The following HOMER1 variants were observed in gnomAD, a reference collection of about 807,000 sequenced individuals.
HOMER1 encodes the protein homer scaffold protein 1.
In HOMER1, 3 loss-of-function variants were observed where a neutral mutation model predicts 48.9. The ratio of observed to expected loss-of-function variants is 0.06; its 90% CI spans 0.03 to 0.16. The LOEUF (loss-of-function observed/expected upper bound fraction) is 0.16, where lower values mean the gene tolerates loss of function less well. HOMER1 is among the 10% of genes least tolerant of loss of function. The pLI is 1.00. For missense variants in HOMER1, 247 were observed against 411.4 expected, an observed-to-expected ratio of 0.60 and a Z score of 3.46; for synonymous variants, 134 against 146.4, an observed-to-expected ratio of 0.92 and a Z score of 0.61.
intron 5 of HOMER1, among the ~76,000 whole-genome samples, chr5:79,427,687 CTTCCTTCCT>C (rs1483512622): frequency 6.1e-5 from 5 of 81,798 alleles, no homozygotes; most frequent in Admixed American, 1.4e-4. Context: ...CCTTCCTTCC[CTTCCTTCCT>C]TTCCTTCCTT....
At chr5:79,502,678 A>C (rs1752628114) in intron 1 of HOMER1, among the ~76,000 whole-genome samples, 1 of 152,248 alleles carries the variant, frequency 6.6e-6, no homozygotes, top group South Asian at 2.1e-4. Flanking sequence ...CCACATGAAT[A>C]GCCTATAATG....
chr5:79,502,393 T>TTTAA (rs1752621209), intron 1 of HOMER1, among the ~76,000 whole-genome samples: 1 of 152,088 alleles, frequency 6.6e-6, no homozygotes, highest in Non-Finnish European at 1.5e-5. Context: ...AAGTTCTCTT[T>TTTAA]TTAATACCCT....
At chr5:79,441,434 A>T (rs1026896447) in intron 4 of HOMER1, among the ~76,000 whole-genome samples, 11 of 152,170 alleles carry the variant, frequency 7.2e-5, no homozygotes, top group Non-Finnish European at 1.3e-4. Context: ...TAATGCTACT[A>T]AAGTAGAAAG....
rs138808644 is a variant in HOMER1, at chr5:79,446,002, T to A, written c.387+1051A>T. Among the ~76,000 whole-genome samples the A allele has an allele frequency of 2.8e-3, 420 of 152,366 alleles. 1 individual carries two copies. The highest frequency in any genetic ancestry group is 9.5e-3 in the African/African-American group (394 of 41,596). ...CGCACGTGCATGTATTTTAACTTTA[T>A]GTATATTATGACATTCTGACATCTT... On this transcript the variant is annotated intron_variant, in intron 4 of 8. Coordinates refer to ENST00000334082, the MANE Select transcript of HOMER1 (RefSeq NM_004272.5).
intron 8 of HOMER1, among the ~76,000 whole-genome samples, chr5:79,391,571 C>T (rs1316929310): frequency 2.0e-5 from 3 of 151,728 alleles, no homozygotes; most frequent in Admixed American, 6.6e-5. Context: ...GGTGAAACTC[C>T]GTCTCTGCTA....
intron 1 of HOMER1, among the ~76,000 whole-genome samples, chr5:79,468,398 CTT>C (rs1221040665): frequency 1.3e-5 from 2 of 152,074 alleles, no homozygotes; most frequent in South Asian, 2.1e-4. Context: ...ATTTCAAAGA[CTT>C]AGTATTTTTT....
intron 4 of HOMER1, 137 bp from the exon 5 acceptor site, chr5:79,439,286 A>T (rs1426745149): frequency 6.5e-6 from 5 of 763,574 alleles, no homozygotes; most frequent in African/African-American, 1.8e-5. Context: ...TCAAAGACTT[A>T]AAAACATAAA....
At chr5:79,480,381 G>A (rs2112340412) in intron 1 of HOMER1, among the ~76,000 whole-genome samples, 1 of 152,268 alleles carries the variant, frequency 6.6e-6, no homozygotes, top group South Asian at 2.1e-4. Context: ...TGTTGGAGGA[G>A]GGGGCAGTTT....
intron 8 of HOMER1, among the ~76,000 whole-genome samples, chr5:79,378,881 A>T (rs1748847145): frequency 6.6e-6 from 1 of 150,778 alleles, no homozygotes; most frequent in Non-Finnish European, 1.5e-5. Context: ...TGAATCCCCT[A>T]CTCTAAGCAC....
At chr5:79,487,889 ATTTAC>A (rs1484160467) in intron 1 of HOMER1, among the ~76,000 whole-genome samples, 2 of 152,190 alleles carry the variant, frequency 1.3e-5, no homozygotes, top group African/African-American at 4.8e-5. Flanking sequence ...GATACCTGGA[ATTTAC>A]TTTAAAATAA....
At chr5:79,435,556 T>C (rs559911042) in intron 5 of HOMER1, among the ~76,000 whole-genome samples, 35 of 152,368 alleles carry the variant, frequency 2.3e-4, no homozygotes, top group Admixed American at 2.3e-3. Flanking sequence ...ATAGTCTAAA[T>C]AAGCATTAAA....
At chr5:79,481,582 C>G (rs149779631) in intron 1 of HOMER1, among the ~76,000 whole-genome samples, 175 of 152,314 alleles carry the variant, frequency 1.1e-3, no homozygotes, top group Middle Eastern at 6.8e-3. Flanking sequence ...CACTTGAAAT[C>G]TATAGAGGAT....
chr5:79,387,075 A>C (rs73120317), intron 8 of HOMER1, among the ~76,000 whole-genome samples: 29,079 of 113,252 alleles, frequency 0.26, 3,831 homozygotes, highest in East Asian at 0.47. Flanking sequence ...TTCTTTCTCT[A>C]TCTCTCTCTC....
chr5:79,452,517 G>A (rs906606656), intron 2 of HOMER1, among the ~76,000 whole-genome samples: 2 of 152,168 alleles, frequency 1.3e-5, no homozygotes, highest in African/African-American at 4.8e-5. Flanking sequence ...ACTCTTAAAT[G>A]TGGAATGATA....
Position 79,465,584 on chromosome 5 carries a change from C to CTTTTTTTTTTT in HOMER1, c.6-8577_6-8567dup, listed in dbSNP as rs10666507. On this transcript the variant is annotated intron_variant, in intron 1 of 8. Coordinates refer to ENST00000334082, the MANE Select transcript of HOMER1 (RefSeq NM_004272.5). ...AGTAACAGTACTGTTTACATTTCTT[C>CTTTTTTTTTTT]TTTTTTTTTTTTTTTTTTTTTTTTT... 3.0e-4 allele frequency among the ~76,000 whole-genome samples: 23 copies of CTTTTTTTTTTT among 77,906 alleles called. 2 individuals carry two copies. The highest frequency in any genetic ancestry group is 1.2e-3 in the African/African-American group (20 of 16,494). 51.1% of individuals were successfully genotyped at this position (77,906 alleles called of 152,430 possible). A position where few individuals can be genotyped will look rare whatever the true frequency, so the allele number is the denominator to read the frequency against.
chr5:79,397,673 T>C, intron 6 of HOMER1, 36 bp from the exon 7 acceptor site: 1 of 1,303,310 alleles, frequency 7.7e-7, no homozygotes, highest in Non-Finnish European at 1.1e-6. Flanking sequence ...AACTTAAATT[T>C]CAACTTTAAA....
intron 7 of HOMER1, 60 bp from the exon 8 acceptor site, chr5:79,396,963 GT>G: frequency 1.1e-6 from 1 of 874,866 alleles, no homozygotes. Flanking sequence ...GGAAGGTCTT[GT>G]TTTTCCCTGA....
chr5:79,490,373 C>A (rs1752234204), intron 1 of HOMER1, among the ~76,000 whole-genome samples: 1 of 152,044 alleles, frequency 6.6e-6, no homozygotes, highest in Non-Finnish European at 1.5e-5. Context: ...AACTGGTAAA[C>A]AGGTTTAATA....
chr5:79,447,105 A>G lies in HOMER1; in HGVS notation c.335T>C (p.Leu112Pro), dbSNP rs1315822372. Reference sequence around the variant, plus strand: ...CTTCTCTTGTGATTTTTCCTTTGCTAGTCGAGCAGCTTCTTTAAATTCCTG... The same window carrying G: ...CTTCTCTTGTGATTTTTCCTTTGCTGGTCGAGCAGCTTCTTTAAATTCCTG... ...KFQEFKEAAR[L>P]AKEKSQEKME... is the part of the protein sequence containing the mutation. Residue 112 changes from leucine to proline, a missense_variant, in exon 4 of 9, where the codon CTA becomes CCA. By Grantham distance (98) the Leu-to-Pro change is moderately conservative. Transcript: ENST00000334082. 1.2e-6 allele frequency: 2 copies of G among 1,613,220 alleles called. No individual in the cohort carries two copies. Among genetic ancestry groups the G allele is most frequent in the Non-Finnish European group, 1.7e-6 (2 of 1,179,396 alleles).
Sources: gnomAD v4.1 joint callset for allele counts (sites outside exome capture counted in the v4.1 genomes callset) on GRCh38, gnomAD v4.1.1 for gene constraint, MANE v1.5 for transcripts, NCBI Gene and HGNC (gene_info 2026-07-23, HGNC 2026-07-21) for gene names.